GRIN2B: variants seen among roughly 807,000 people sequenced by gnomAD.
GRIN2B encodes the protein glutamate receptor ionotropic, NMDA 2B.
GRIN2B carries 5 observed loss-of-function variants against 114.5 expected under a neutral mutation model. That is an observed-to-expected ratio of 0.04 (90% confidence interval 0.02 to 0.09). The LOEUF is 0.09. Among genes scored for constraint, GRIN2B ranks in the 10% least tolerant of loss-of-function variants. The pLI is 1.00. For synonymous variants in GRIN2B, 787 were observed against 745.1 expected (o/e 1.06, Z -0.92); for missense variants, 1,108 against 1,943.5 (o/e 0.57, Z 8.08).
At chr12:13,665,107 G>A (rs563986912) in intron 5 of GRIN2B, among the ~76,000 whole-genome samples, 21 of 151,900 alleles carry the variant, frequency 1.4e-4, no homozygotes, top group Non-Finnish European at 2.9e-4. Flanking sequence ...GAGGAGATAG[G>A]TTCTGAGTTC....
rs151314271 is a variant in GRIN2B at position 13,729,080 on chromosome 12, T to A, written c.1010+24237A>T. Among the ~76,000 whole-genome samples, 5 of 152,226 alleles carry A rather than the reference T, an allele frequency of 3.3e-5. No homozygotes were observed. In the East Asian group the frequency reaches 7.7e-4, roughly 23 times the overall value. Reference sequence around the variant, plus strand: ...ATTGTGTCTCCATCTGAGAAAGAGATGAAGTCAGAGACAGAGTTAAAGTCT... The same window carrying A: ...ATTGTGTCTCCATCTGAGAAAGAGAAGAAGTCAGAGACAGAGTTAAAGTCT... On this transcript the variant is annotated intron_variant, in intron 4 of 13. Coordinates refer to ENST00000609686, the MANE Select transcript of GRIN2B (RefSeq NM_000834.5).
chr12:13,893,011 A>G (rs1024770168), intron 2 of GRIN2B, among the ~76,000 whole-genome samples: 1 of 152,192 alleles, frequency 6.6e-6, no homozygotes, highest in Non-Finnish European at 1.5e-5. Flanking sequence ...TGACCTGACC[A>G]AAACCATCCC....
intron 3 of GRIN2B, among the ~76,000 whole-genome samples, chr12:13,850,663 G>A (rs1030678687): frequency 1.5e-4 from 23 of 152,160 alleles, no homozygotes; most frequent in African/African-American, 5.6e-4. Context: ...CTGGGAAAGG[G>A]AGGAAGTCAA....
chr12:13,790,771 A>C (rs977227458), intron 3 of GRIN2B, among the ~76,000 whole-genome samples: 1 of 152,192 alleles, frequency 6.6e-6, no homozygotes, highest in African/African-American at 2.4e-5. Flanking sequence ...TTGTTGATGA[A>C]GCTGTTAAAG....
intron 3 of GRIN2B, among the ~76,000 whole-genome samples, chr12:13,783,575 G>A (rs563466506): frequency 3.3e-5 from 5 of 152,180 alleles, no homozygotes; most frequent in African/African-American, 4.8e-5. Flanking sequence ...GTAATAAGAC[G>A]CGATGATCTT....
At chr12:13,769,147 G>A (rs1300009773) in intron 3 of GRIN2B, among the ~76,000 whole-genome samples, 2 of 152,072 alleles carry the variant, frequency 1.3e-5, no homozygotes, top group Admixed American at 1.3e-4. Flanking sequence ...CCATTTTCAT[G>A]AGGCAAACAT....
At chr12:13,568,529 A>G (rs190524161) in intron 12 of GRIN2B, among the ~76,000 whole-genome samples, 274 of 152,328 alleles carry the variant, frequency 1.8e-3, no homozygotes, top group Non-Finnish European at 2.7e-3. Context: ...CCTGTTTCCA[A>G]TGTTAATCAA....
chr12:13,842,977 T>A (rs1400750612), intron 3 of GRIN2B, among the ~76,000 whole-genome samples: 1 of 148,070 alleles, frequency 6.8e-6, no homozygotes, highest in Non-Finnish European at 1.5e-5. Context: ...GCTTTTTAAT[T>A]TTTTGCGGTG....
intron 2 of GRIN2B, among the ~76,000 whole-genome samples, chr12:13,968,821 A>G (rs961711793): frequency 3.3e-5 from 5 of 152,204 alleles, no homozygotes; most frequent in African/African-American, 1.2e-4. Context: ...TCCAAGCACA[A>G]AGCCATACTT....
In GRIN2B at chr12:13,567,018, C is replaced by T. The variant is rs771811283; in HGVS notation, c.2598+7G>A. On this transcript the variant is annotated splice_region_variant and intron_variant, in intron 13 of 13. Coordinates refer to ENST00000609686, the MANE Select transcript of GRIN2B (RefSeq NM_000834.5). ...CAAGCTTTAGGCATTTAAATCAAAA[C>T]ACTTACTCTGCTGATGGAGAAGACC... is the stretch of plus-strand genomic sequence containing the variant. The T allele has an allele frequency of 1.9e-6, 3 of 1,597,056 alleles. No individual in the cohort carries two copies. The East Asian group carries it at 6.7e-5, about 36-fold the overall frequency.
At chr12:13,777,996 A>G (rs1333777458) in intron 3 of GRIN2B, among the ~76,000 whole-genome samples, 2 of 152,188 alleles carry the variant, frequency 1.3e-5, no homozygotes, top group Non-Finnish European at 2.9e-5. Flanking sequence ...ACTGGTTTCT[A>G]CACAAAGGAG....
intron 3 of GRIN2B, among the ~76,000 whole-genome samples, chr12:13,830,624 T>C (rs909477233): frequency 6.6e-6 from 1 of 152,198 alleles, no homozygotes; most frequent in Admixed American, 6.5e-5. Context: ...ACACAAAATA[T>C]GTATCTGTTC....
At chr12:13,707,513 T>C (rs1950371317) in intron 4 of GRIN2B, among the ~76,000 whole-genome samples, 1 of 152,140 alleles carries the variant, frequency 6.6e-6, no homozygotes, top group Non-Finnish European at 1.5e-5. Flanking sequence ...AGATTAACAT[T>C]ATTTTCTTGG....
chr12:13,893,598 A>G (rs896099598), intron 2 of GRIN2B, among the ~76,000 whole-genome samples: 2 of 152,194 alleles, frequency 1.3e-5, no homozygotes, highest in Non-Finnish European at 2.9e-5. Context: ...AGTGACCTGG[A>G]AATCTGTGAA....
At chr12:13,599,242 C>T (rs188427390) in intron 10 of GRIN2B, among the ~76,000 whole-genome samples, 154 of 152,248 alleles carry the variant, frequency 1.0e-3, no homozygotes, top group Non-Finnish European at 1.8e-3. Flanking sequence ...GTTGGGCTTC[C>T]CTAGCCTCAG....
intron 2 of GRIN2B, among the ~76,000 whole-genome samples, chr12:13,952,277 C>G (rs866640719): frequency 2.0e-5 from 3 of 152,084 alleles, no homozygotes; most frequent in Non-Finnish European, 2.9e-5. Flanking sequence ...CTGAAGCACT[C>G]GATTCTAGAA....
chr12:13,846,673 C>T (rs751745920), intron 3 of GRIN2B, among the ~76,000 whole-genome samples: 6 of 152,136 alleles, frequency 3.9e-5, no homozygotes, highest in African/African-American at 9.7e-5. Flanking sequence ...CACATTCCCC[C>T]GGAAGCCACG....
At chr12:13,565,592 C>G (rs1402589693) in intron 13 of GRIN2B, among the ~76,000 whole-genome samples, 1 of 152,176 alleles carries the variant, frequency 6.6e-6, no homozygotes, top group African/African-American at 2.4e-5. Flanking sequence ...AGCCAACCTC[C>G]TTCTCACATC....
chr12:13,946,886 T>C (rs943666657), intron 2 of GRIN2B, among the ~76,000 whole-genome samples: 2 of 152,208 alleles, frequency 1.3e-5, no homozygotes, highest in Non-Finnish European at 2.9e-5. Flanking sequence ...ATGCTTCTCC[T>C]AACACAAATA....
Sources: allele counts gnomAD v4.1 joint callset (sites outside exome capture counted in the v4.1 genomes callset), GRCh38; gene constraint gnomAD v4.1.1; transcripts MANE v1.5; gene names NCBI Gene and HGNC (gene_info 2026-07-23, HGNC 2026-07-21).